Variants in CPNE4 observed in about 807,000 individuals in gnomAD.
The protein encoded by CPNE4 is copine-4.
CPNE4 carries 25 observed loss-of-function variants against 67.9 expected under a neutral mutation model. The observed-to-expected ratio is 0.37, with a 90% confidence interval of 0.27 to 0.51. CPNE4 has a LOEUF of 0.51. CPNE4 is among the 20% of genes least tolerant of loss of function. The pLI, the probability that CPNE4 is intolerant of heterozygous loss-of-function variation, is 0.93. For synonymous variants in CPNE4, 242 were observed against 244.9 expected, an observed-to-expected ratio of 0.99 and a Z score of 0.11; for missense variants, 464 against 690.8, an observed-to-expected ratio of 0.67 and a Z score of 3.68.
At chr3:132,006,202 A>C (rs1264111255) in intron 1 of CPNE4, among the ~76,000 whole-genome samples, 1 of 152,122 alleles carries the variant, frequency 6.6e-6, no homozygotes, top group African/African-American at 2.4e-5. Context: ...GTCAAAATAT[A>C]TGATATCATG....
intron 7 of CPNE4, among the ~76,000 whole-genome samples, chr3:131,643,024 A>C (rs764750404): frequency 3.3e-5 from 5 of 152,204 alleles, no homozygotes; most frequent in Non-Finnish European, 5.9e-5. Flanking sequence ...GCTCAGAAGA[A>C]GACAGGAAGA....
chr3:131,552,417 CT>C (rs757235324), intron 13 of CPNE4, 22 bp downstream of exon 13: 2 of 1,608,370 alleles, frequency 1.2e-6, no homozygotes, highest in South Asian at 1.1e-5. Context: ...GTGACACTGG[CT>C]TTCTTTCACG....
At chr3:131,806,005 C>T (rs1381893518) in intron 2 of CPNE4, among the ~76,000 whole-genome samples, 1 of 152,122 alleles carries the variant, frequency 6.6e-6, no homozygotes, top group Non-Finnish European at 1.5e-5. Context: ...CATGAAATTC[C>T]AGTCATTTTA....
intron 10 of CPNE4, among the ~76,000 whole-genome samples, chr3:131,571,400 T>C (rs1937328945): frequency 6.6e-6 from 1 of 151,854 alleles, no homozygotes; most frequent in African/African-American, 2.4e-5. Context: ...GAAACCTAGG[T>C]CCATATTTAT....
intron 3 of CPNE4, 137 bp downstream of exon 3, chr3:131,723,309 A>C: frequency 1.4e-6 from 1 of 715,448 alleles, no homozygotes; most frequent in Non-Finnish European, 2.4e-6. Context: ...CCACCTGGGA[A>C]GTTGTAAAAT....
chr3:131,923,731 TA>T (rs1375914415), intron 1 of CPNE4, among the ~76,000 whole-genome samples: 69 of 107,180 alleles, frequency 6.4e-4, no homozygotes, highest in East Asian at 2.9e-3. Flanking sequence ...AAAAAAAAAT[TA>T]AAAAAAAATA....
chr3:131,637,742 T>C (rs888027289), intron 7 of CPNE4, among the ~76,000 whole-genome samples: 1 of 152,134 alleles, frequency 6.6e-6, no homozygotes, highest in African/African-American at 2.4e-5. Flanking sequence ...CATCCAGTTA[T>C]CTAAAGTCAA....
chr3:131,767,149 AG>A (rs1159951377), intron 2 of CPNE4, among the ~76,000 whole-genome samples: 2 of 152,120 alleles, frequency 1.3e-5, no homozygotes, highest in Admixed American at 1.3e-4. Flanking sequence ...GAAGGGAAAA[AG>A]TCTCTTTCTC....
chr3:131,674,384 G>A (rs1455273633), intron 6 of CPNE4, among the ~76,000 whole-genome samples: 3 of 151,860 alleles, frequency 2.0e-5, no homozygotes, highest in Admixed American at 6.6e-5. Flanking sequence ...AGGTAGGATT[G>A]GTATTAGTTC....
chr3:131,947,301 G>A (rs1221411839), intron 1 of CPNE4, among the ~76,000 whole-genome samples: 1 of 152,080 alleles, frequency 6.6e-6, no homozygotes, highest in Non-Finnish European at 1.5e-5. Flanking sequence ...CATGTGCCAT[G>A]GTGGTTTGCT....
intron 2 of CPNE4, among the ~76,000 whole-genome samples, chr3:131,758,100 G>A (rs924931775): frequency 1.3e-5 from 2 of 152,302 alleles, no homozygotes; most frequent in Non-Finnish European, 2.9e-5. Flanking sequence ...AGTCCCTACT[G>A]GGGCACCACC....
chr3:131,845,811 G>A (rs1254213327), intron 2 of CPNE4, among the ~76,000 whole-genome samples: 7 of 152,092 alleles, frequency 4.6e-5, no homozygotes, highest in Non-Finnish European at 1.0e-4. Flanking sequence ...TTCCGCTATC[G>A]TCTAGTATTT....
chr3:131,641,704 T>C (rs1166157554), intron 7 of CPNE4, among the ~76,000 whole-genome samples: 2 of 152,182 alleles, frequency 1.3e-5, no homozygotes, highest in African/African-American at 4.8e-5. Flanking sequence ...AAGATACCTG[T>C]ACATGCATGT....
At chr3:131,922,627 A>G (rs934483711) in intron 1 of CPNE4, among the ~76,000 whole-genome samples, 4 of 152,228 alleles carry the variant, frequency 2.6e-5, no homozygotes, top group Non-Finnish European at 2.9e-5. Context: ...GTGCTACATA[A>G]CATATGGTTG....
chr3:131,781,057 G>A (rs942538480), intron 2 of CPNE4, among the ~76,000 whole-genome samples: 1 of 151,896 alleles, frequency 6.6e-6, no homozygotes, highest in Non-Finnish European at 1.5e-5. Flanking sequence ...TTCCATGAAT[G>A]AACCTGGCTA....
chr3:131,560,461 A>T (rs1488066562), intron 11 of CPNE4, among the ~76,000 whole-genome samples: 2 of 152,018 alleles, frequency 1.3e-5, no homozygotes, highest in African/African-American at 4.8e-5. Context: ...CCAAATTCTG[A>T]TCAGCCCAGA....
chr3:131,677,815 T>TGCTGTTTTG (rs1459328707), intron 6 of CPNE4, among the ~76,000 whole-genome samples: 4 of 152,216 alleles, frequency 2.6e-5, no homozygotes, highest in Non-Finnish European at 5.9e-5. Flanking sequence ...ACCAGTACCA[T>TGCTGTTTTG]GCTGTTTTGG....
intron 2 of CPNE4, among the ~76,000 whole-genome samples, chr3:131,793,333 G>C (rs2083831997): frequency 6.6e-6 from 1 of 152,030 alleles, no homozygotes; most frequent in Non-Finnish European, 1.5e-5. Flanking sequence ...TCACTCCCCT[G>C]CTTAAAATTC....
chr3:131,953,686 G>A (rs929070410), intron 1 of CPNE4, among the ~76,000 whole-genome samples: 1 of 152,164 alleles, frequency 6.6e-6, no homozygotes, highest in African/African-American at 2.4e-5. Context: ...TCATTCATAC[G>A]TGGGGACTGA....
Sources: gnomAD v4.1 joint callset for allele counts (sites outside exome capture counted in the v4.1 genomes callset) on GRCh38, gnomAD v4.1.1 for gene constraint, MANE v1.5 for transcripts, NCBI Gene and HGNC (gene_info 2026-07-23, HGNC 2026-07-21) for gene names.